Variants in AP3B2 observed in about 807,000 individuals in gnomAD.
The protein encoded by AP3B2 is adaptor related protein complex 3 subunit beta 2.
Under a neutral mutation model 126.9 loss-of-function variants are expected in AP3B2, and 50 were observed. That is an observed-to-expected ratio of 0.39 (90% CI 0.31 to 0.50). The LOEUF (loss-of-function observed/expected upper bound fraction) is 0.50, where lower values mean the gene tolerates loss of function less well. Ranked by LOEUF, AP3B2 falls within the 20% of genes least tolerant of loss-of-function variation. The pLI, the probability that AP3B2 is intolerant of heterozygous loss-of-function variation, is 0.79. For missense variants in AP3B2, 1,177 were observed against 1,426.4 expected (o/e 0.83, Z 2.82); for synonymous variants, 541 against 565.0 (o/e 0.96, Z 0.60).
Position 82,688,976 on chromosome 15 carries a change from C to T in AP3B2, c.265-145G>A, listed in dbSNP as rs17158369. The T allele has an allele frequency of 8.7e-3, 8,636 of 988,874 alleles. 357 individuals carry two copies. The East Asian group carries it at 0.11, about 12-fold the overall frequency. 61.3% of individuals were successfully genotyped at this position (988,874 alleles called of 1,614,324 possible). ...GGGGGAGAGCACCCCTGAGTGTATCCGGGTCCTTTACCTTGATCCACATCC... is the reference window on the plus strand; with the variant it reads ...GGGGGAGAGCACCCCTGAGTGTATCTGGGTCCTTTACCTTGATCCACATCC... On this transcript the variant is annotated intron_variant, in intron 3 of 26. Coordinates refer to ENST00000535359, the MANE Select transcript of AP3B2 (RefSeq NM_001278512.2).
chr15:82,670,117 G>A (rs1273829338), intron 14 of AP3B2, among the ~76,000 whole-genome samples: 2 of 136,192 alleles, frequency 1.5e-5, no homozygotes, highest in East Asian at 2.1e-4. Flanking sequence ...TTTTTTGGCG[G>A]GGGGGGACGA....
At position 82,681,630 on chromosome 15, in the gene AP3B2, A is replaced by G; in HGVS notation, c.361-50T>C. ...CTATGAAAGGGCACCAGGTGCCCTG[A>G]TGGGGGGAGGCCACACCTTTGGAAG... On this transcript the variant is annotated intron_variant, in intron 4 of 26. Transcript: ENST00000535359. This position sits in a 1 kb window ranked among gnomAD's most constrained non-coding sequence, Gnocchi z 4.0. 1 of 1,580,724 alleles carries G rather than the reference A, an allele frequency of 6.3e-7. No individual in the cohort carries two copies. The highest frequency in any genetic ancestry group is 8.6e-7 in the Non-Finnish European group (1 of 1,162,406).
Position 82,663,920 on chromosome 15 carries a change from T to C in AP3B2, c.2317A>G (p.Lys773Glu), listed in dbSNP as rs2048004241. Residue 773 changes from lysine (K) to glutamate (E), a missense_variant, in exon 20 of 27, where the codon AAA becomes GAA. Lys to Glu is a moderately conservative substitution (Grantham distance 56, BLOSUM62 1). Around this residue, in one of 5 missense-constraint regions of AP3B2, gnomAD observed 587 missense variants for 571.3 expected, o/e 1.03. Transcript: ENST00000535359. Reference protein sequence around the residue: ...RKTKKKVPERKGEASSSDEGS... With the variant: ...RKTKKKVPEREGEASSSDEGS... ...TCATCAGAGGATGACGCTTCTCCTT[T>C]TCTCTCTGGCACCTTCTTCTTTGTC... 2 of 1,611,838 alleles carry C rather than the reference T, an allele frequency of 1.2e-6. No homozygotes were observed. Among genetic ancestry groups the C allele is most frequent in the Non-Finnish European group, 1.7e-6 (2 of 1,179,844 alleles).
chr15:82,700,408 T>TTTTTTTTTTTTTTTTTTTC (rs1567275664), intron 1 of AP3B2, among the ~76,000 whole-genome samples: 1 of 116,764 alleles, frequency 8.6e-6, no homozygotes. Context: ...TTTTTTTTTT[T>TTTTTTTTTTTTTTTTTTTC]TTTTTTTCAG....
At chr15:82,705,182 C>A (rs966030928) in intron 1 of AP3B2, among the ~76,000 whole-genome samples, 6 of 152,072 alleles carry the variant, frequency 3.9e-5, no homozygotes, top group Non-Finnish European at 8.8e-5. Context: ...ACTGATCATG[C>A]ACCCCTTACC....
chr15:82,667,660 A>G (rs1208923353), intron 14 of AP3B2, among the ~76,000 whole-genome samples: 1 of 152,202 alleles, frequency 6.6e-6, no homozygotes, highest in African/African-American at 2.4e-5. Flanking sequence ...ATCACTTATC[A>G]AGTGCCTTCT....
At position 82,665,340 on chromosome 15, in the gene AP3B2, C is replaced by A. The variant is rs139967750; in HGVS notation, c.1972-37G>T. On this transcript the variant is annotated intron_variant, in intron 16 of 26. Coordinates refer to ENST00000535359, the MANE Select transcript of AP3B2 (RefSeq NM_001278512.2). The surrounding 1 kb of genome is among the most constrained non-coding windows in gnomAD (Gnocchi z 4.4). ...GGGGAGGGTGTTAGGAGGGCTGGGC[C>A]GGCACTGCCAGGGCTCCCTACTGTC... 1.9e-6 allele frequency: 3 copies of A among 1,583,586 alleles called. No individual in the cohort carries two copies. The Admixed American group carries it at 5.2e-5, about 27-fold the overall frequency.
At chr15:82,705,284 G>A (rs966269375) in intron 1 of AP3B2, among the ~76,000 whole-genome samples, 1 of 151,902 alleles carries the variant, frequency 6.6e-6, no homozygotes, top group Non-Finnish European at 1.5e-5. Flanking sequence ...GTTATCACTC[G>A]CCTGTTACAG....
At chr15:82,671,968 T>A (rs918551292) in intron 14 of AP3B2, among the ~76,000 whole-genome samples, 5 of 150,856 alleles carry the variant, frequency 3.3e-5, no homozygotes, top group African/African-American at 4.9e-5. Context: ...CGTTTGAACC[T>A]GGGAGGCGGA....
chr15:82,696,609 G>A (rs1374822325), intron 1 of AP3B2, among the ~76,000 whole-genome samples: 4 of 152,114 alleles, frequency 2.6e-5, no homozygotes, highest in South Asian at 2.1e-4. Context: ...TGATATACAT[G>A]TATAAGGTCT....
At chr15:82,693,190 C>T (rs2048572074) in intron 1 of AP3B2, among the ~76,000 whole-genome samples, 2 of 130,594 alleles carry the variant, frequency 1.5e-5, no homozygotes, top group African/African-American at 2.9e-5. Context: ...CTCCCCCCGC[C>T]CCCACCCCCC....
chr15:82,685,630 T>C (rs2048413318), intron 4 of AP3B2: 1 of 152,230 alleles, frequency 6.6e-6, no homozygotes, highest in Non-Finnish European at 1.5e-5. Flanking sequence ...CTTTTTTGTG[T>C]GTGAGCATTT....
In AP3B2 at chr15:82,680,294, G is replaced by GGAAAAGGTGGGGCAAGTCGTTGCGGGGA; in HGVS notation, c.1056-93_1056-66dup. ...TTGGGGCAAGGGTCAGCGGATGAGG[G>GGAAAAGGTGGGGCAAGTCGTTGCGGGGA]GAAAAGGTGGGGCAAGTCGTTGCGG... is the stretch of plus-strand genomic sequence containing the variant. On this transcript the variant is annotated intron_variant, in intron 8 of 26. Coordinates refer to ENST00000535359, the MANE Select transcript of AP3B2 (RefSeq NM_001278512.2). The surrounding 1 kb of genome is among the most constrained non-coding windows in gnomAD (Gnocchi z 6.1). The GGAAAAGGTGGGGCAAGTCGTTGCGGGGA allele has an allele frequency of 6.2e-7, 1 of 1,606,870 alleles. No homozygotes were observed.
intron 1 of AP3B2, chr15:82,692,063 T>A: frequency 1.3e-6 from 2 of 1,490,798 alleles, no homozygotes; most frequent in Non-Finnish European, 1.9e-6. Context: ...AAATCAGATC[T>A]TCTTGCAGAA....
At position 82,662,720 on chromosome 15, in the gene AP3B2, A is replaced by T. The variant is rs2047974085; in HGVS notation, c.2807T>A (p.Ile936Asn). 1 of 1,613,468 alleles carries T rather than the reference A, an allele frequency of 6.2e-7. No homozygotes were observed. Residue 936 changes from isoleucine to asparagine, a missense_variant, in exon 23 of 27, where the codon ATC (isoleucine) becomes AAC (asparagine). Ile to Asn is a moderately radical substitution (Grantham distance 149, BLOSUM62 -3). This residue lies in a region of AP3B2 where 587 missense variants were observed against 571.3 expected (regional missense o/e 1.03). Coordinates refer to ENST00000535359, the MANE Select transcript of AP3B2 (RefSeq NM_001278512.2). ...HVGTPKLPAG[I>N]SIQEFPEIES... ...AATTTCGGGAAATTCTTGGATGCTG[A>T]TGCCAGCAGGCAGTTTGGGAGTGCC...
At position 82,662,799 on chromosome 15, in the gene AP3B2, C is replaced by A. The variant is rs768501423; in HGVS notation, c.2728G>T (p.Val910Leu). Reference protein sequence around the residue: ...PFSGDPHMVSVHIHFSNSSDT... With the variant: ...PFSGDPHMVSLHIHFSNSSDT... ...GAGCTGTTGGAGAAGTGGATGTGCA[C>A]GGACACCATGTGGGGATCCCCGGAG... The change falls in exon 23 of 27, where the codon GTG (valine) becomes TTG (leucine). Residue 910 changes from valine to leucine, a missense_variant. Val to Leu is a conservative substitution (Grantham distance 32). Around this residue, in one of 5 missense-constraint regions of AP3B2, gnomAD observed 587 missense variants for 571.3 expected, o/e 1.03. Coordinates refer to ENST00000535359, the MANE Select transcript of AP3B2 (RefSeq NM_001278512.2). 1.9e-6 allele frequency: 3 copies of A among 1,613,752 alleles called. No individual in the cohort carries two copies. Among genetic ancestry groups the A allele is most frequent in the South Asian group, 2.2e-5 (2 of 91,000 alleles).
In AP3B2 at chr15:82,681,644, C is replaced by T; in HGVS notation, c.361-64G>A. On this transcript the variant is annotated intron_variant, in intron 4 of 26. Transcript: ENST00000535359. The surrounding 1 kb of genome is among the most constrained non-coding windows in gnomAD (Gnocchi z 4.0). ...CAGGTGCCCTGATGGGGGGAGGCCA[C>T]ACCTTTGGAAGTCACTGTCCCCAGC... 1.3e-6 allele frequency: 2 copies of T among 1,549,190 alleles called. No homozygotes were observed. Among genetic ancestry groups the T allele is most frequent in the Non-Finnish European group, 1.7e-6 (2 of 1,143,014 alleles).
intron 4 of AP3B2, chr15:82,686,816 G>A (rs1246423709): frequency 2.6e-5 from 4 of 151,922 alleles, no homozygotes. Flanking sequence ...CTGCCTCCCG[G>A]GTTCAAGCCA....
At chr15:82,695,660 C>T (rs1346791992) in intron 1 of AP3B2, among the ~76,000 whole-genome samples, 1 of 152,126 alleles carries the variant, frequency 6.6e-6, no homozygotes, top group African/African-American at 2.4e-5. Flanking sequence ...TTTGTCTCTA[C>T]CCTTTATAAT....
Sources: allele counts gnomAD v4.1 joint callset (sites outside exome capture counted in the v4.1 genomes callset), GRCh38; gene constraint gnomAD v4.1.1; regional missense constraint gnomAD v4.1.1; non-coding constraint Gnocchi (gnomAD v3.1); transcripts MANE v1.5; gene names NCBI Gene and HGNC (gene_info 2026-07-23, HGNC 2026-07-21).